The following EIF4H variants were observed in gnomAD, a reference collection of about 807,000 sequenced individuals.
EIF4H encodes eukaryotic translation initiation factor 4H.
EIF4H carries 8 observed loss-of-function variants against 30.6 expected under a neutral mutation model. That is an observed-to-expected ratio of 0.26 (90% CI 0.15 to 0.47). The LOEUF (loss-of-function observed/expected upper bound fraction) is 0.47, where lower values mean the gene tolerates loss of function less well. EIF4H is among the 20% of genes least tolerant of loss of function. The pLI is 0.99. For synonymous variants in EIF4H, 106 were observed against 122.7 expected, an observed-to-expected ratio of 0.86 and a Z score of 0.90; for missense variants, 188 against 339.5, an observed-to-expected ratio of 0.55 and a Z score of 3.51.
At chr7:74,189,989 T>C (rs539904558) in intron 4 of EIF4H, 71 bp downstream of exon 4, 4 of 1,535,906 alleles carry the variant, frequency 2.6e-6, no homozygotes, top group Admixed American at 3.7e-5. Context: ...CTCGTGAACG[T>C]TCCTAGTAGA....
At chr7:74,180,149 A>C (rs572090363) in intron 1 of EIF4H, among the ~76,000 whole-genome samples, 1 of 152,186 alleles carries the variant, frequency 6.6e-6, no homozygotes, top group Non-Finnish European at 1.5e-5. Flanking sequence ...GTGAGCAGTG[A>C]TTGCACCACA....
intron 5 of EIF4H, among the ~76,000 whole-genome samples, 185 bp from the exon 6 acceptor site, chr7:74,194,556 G>A (rs1033268362): frequency 1.3e-5 from 2 of 152,134 alleles, no homozygotes; most frequent in Non-Finnish European, 1.5e-5. Context: ...GTCTGTTAGC[G>A]CTGTCATTAC....
rs1415829435 is a variant in EIF4H, at chr7:74,192,195, G to T, written c.469+1889G>T. On this transcript the variant is annotated intron_variant, in intron 5 of 6. Coordinates refer to ENST00000265753, the MANE Select transcript of EIF4H (RefSeq NM_022170.2). ...ATCATTTAATCTCATAGTAAAGGGTGTAAATTTACTTTGTACTCACGTGGA... is the reference window on the plus strand; with the variant it reads ...ATCATTTAATCTCATAGTAAAGGGTTTAAATTTACTTTGTACTCACGTGGA... Among the ~76,000 whole-genome samples, 4 of 152,164 alleles carry T rather than the reference G, an allele frequency of 2.6e-5. No individual in the cohort carries two copies. In the East Asian group the frequency reaches 7.7e-4, roughly 29 times the overall value.
intron 1 of EIF4H, among the ~76,000 whole-genome samples, chr7:74,182,008 C>G (rs1323821260): frequency 3.3e-5 from 5 of 152,192 alleles, no homozygotes; most frequent in African/African-American, 1.2e-4. Flanking sequence ...AGCCACCACA[C>G]CCGGCCTCTT....
Position 74,189,272 on chromosome 7 carries a change from G to A in EIF4H, c.248-401G>A, listed in dbSNP as rs535095723. On this transcript the variant is annotated intron_variant, in intron 2 of 6. Coordinates refer to ENST00000265753, the MANE Select transcript of EIF4H (RefSeq NM_022170.2). ...AGTTACCTGAGTAGTAAGTTAAATCGGCACTTTAAGCCTCTTTCTTCAGAG... is the reference window on the plus strand; with the variant it reads ...AGTTACCTGAGTAGTAAGTTAAATCAGCACTTTAAGCCTCTTTCTTCAGAG... Among the ~76,000 whole-genome samples, 23 of 152,226 alleles carry A rather than the reference G, an allele frequency of 1.5e-4. No individual in the cohort carries two copies. In the South Asian group the frequency reaches 4.8e-3, roughly 32 times the overall value.
rs1554710592 is a variant in EIF4H, at chr7:74,195,427, G to A, written c.*119G>A. ...CGCCTGCCATTGGCCTCCTCACAGC[G>A]GAAACACAGCTTGTGAGTGCATGTC... On this transcript the variant is annotated 3_prime_UTR_variant, in exon 7 of 7. Transcript: ENST00000265753. The A allele has an allele frequency of 1.6e-5, 19 of 1,200,722 alleles. No homozygotes were observed. Among genetic ancestry groups the A allele is most frequent in the East Asian group, 1.3e-4 (5 of 39,774 alleles). The allele number at this position is 1,200,722 out of a possible 1,614,324, so 74.4% of individuals were successfully genotyped here.
intron 1 of EIF4H, among the ~76,000 whole-genome samples, chr7:74,181,070 G>A (rs1277875294): frequency 6.6e-6 from 1 of 152,110 alleles, no homozygotes; most frequent in Non-Finnish European, 1.5e-5. Flanking sequence ...TAGTGGCATG[G>A]AGTACCTTCA....
intron 6 of EIF4H, 70 bp from the exon 7 acceptor site, chr7:74,195,099 T>C: frequency 6.3e-7 from 1 of 1,582,566 alleles, no homozygotes; most frequent in Non-Finnish European, 8.6e-7. Context: ...GACAGCAACA[T>C]CAGCATGGTC....
intron 5 of EIF4H, among the ~76,000 whole-genome samples, chr7:74,192,172 C>A (rs576644572): frequency 6.6e-6 from 1 of 152,232 alleles, no homozygotes; most frequent in East Asian, 1.9e-4. Context: ...TGGTCGAAAT[C>A]ATTTAATCTC....
At chr7:74,176,575 T>C (rs147306775) in intron 1 of EIF4H, among the ~76,000 whole-genome samples, 47 of 152,330 alleles carry the variant, frequency 3.1e-4, no homozygotes, top group African/African-American at 1.1e-3. Context: ...ATCTCACCTC[T>C]GAATTACTTG....
chr7:74,178,718 T>C (rs1286517819), intron 1 of EIF4H, among the ~76,000 whole-genome samples: 1 of 152,156 alleles, frequency 6.6e-6, no homozygotes, highest in Non-Finnish European at 1.5e-5. Flanking sequence ...GCCTGGTTGC[T>C]TTTACATCAT....
intron 3 of EIF4H, 26 bp downstream of exon 3, chr7:74,189,763 CAT>C: frequency 3.7e-6 from 6 of 1,614,146 alleles, no homozygotes; most frequent in Non-Finnish European, 4.2e-6. Flanking sequence ...TTTTCTCTGT[CAT>C]AGCAGTTGAG....
At position 74,194,791 on chromosome 7, in the gene EIF4H, C is replaced by A; in HGVS notation, c.520C>A (p.Arg174=). The change falls in exon 6 of 7, where the codon CGG becomes AGG. Residue 174 remains arginine, a synonymous_variant. Coordinates refer to ENST00000265753, the MANE Select transcript of EIF4H (RefSeq NM_022170.2). Reference sequence around the variant, plus strand: ...CAGGGGAGGTAGTCGCCCAGGCGACCGGCGAACAGGCCCCCCCATGGGCAG... The same window carrying A: ...CAGGGGAGGTAGTCGCCCAGGCGACAGGCGAACAGGCCCCCCCATGGGCAG... The part of the protein sequence containing the change: ...GGRGGSRPGD[R]RTGPPMGSRF... 1 of 1,602,692 alleles carries A rather than the reference C, an allele frequency of 6.2e-7. No homozygotes were observed.
At chr7:74,181,673 A>C (rs1406196678) in intron 1 of EIF4H, among the ~76,000 whole-genome samples, 2 of 151,802 alleles carry the variant, frequency 1.3e-5, no homozygotes, top group East Asian at 3.9e-4. Context: ...CGAACTCCCG[A>C]CCTCAGGTAA....
At chr7:74,177,362 G>A (rs1200453509) in intron 1 of EIF4H, among the ~76,000 whole-genome samples, 1 of 152,104 alleles carries the variant, frequency 6.6e-6, no homozygotes, top group African/African-American at 2.4e-5. Flanking sequence ...AACATAAAAT[G>A]TGCCACTTTA....
At position 74,195,477 on chromosome 7, in the gene EIF4H, AC is replaced by A; in HGVS notation, c.*170del. ...CAGCTGTTAACAAGTGGTTTTTAGT[AC>A]ATTCTGGGCTTTGCTGTATCTATCT... On this transcript the variant is annotated 3_prime_UTR_variant, in exon 7 of 7. Transcript: ENST00000265753. The A allele has an allele frequency of 1.4e-6, 1 of 725,296 alleles. No individual in the cohort carries two copies. The highest frequency in any genetic ancestry group is 2.8e-5 in the East Asian group (1 of 35,382). The allele number at this position is 725,296 out of a possible 1,614,324, so 44.9% of individuals were successfully genotyped here.
chr7:74,179,641 A>AAAAG (rs1393757269), intron 1 of EIF4H, among the ~76,000 whole-genome samples: 1 of 148,176 alleles, frequency 6.7e-6, no homozygotes, highest in Non-Finnish European at 1.5e-5. Flanking sequence ...CAAAAAAAAA[A>AAAAG]AAAAAAAGTC....
At chr7:74,180,407 TA>T (rs2115943013) in intron 1 of EIF4H, among the ~76,000 whole-genome samples, 1 of 152,322 alleles carries the variant, frequency 6.6e-6, no homozygotes, top group Non-Finnish European at 1.5e-5. Context: ...CATAGGGTAC[TA>T]AAAAGTGGGT....
chr7:74,190,354 C>CT (rs782061476), intron 5 of EIF4H, 48 bp downstream of exon 5: 2 of 1,572,300 alleles, frequency 1.3e-6, no homozygotes, highest in East Asian at 4.5e-5. Context: ...AGGAGCCTTG[C>CT]TGCTGTTCTC....
Sources: allele counts gnomAD v4.1 joint callset (sites outside exome capture counted in the v4.1 genomes callset), GRCh38; gene constraint gnomAD v4.1.1; transcripts MANE v1.5; gene names NCBI Gene and HGNC (gene_info 2026-07-23, HGNC 2026-07-21).